The following KDM4B variants were observed in gnomAD, a reference collection of about 807,000 sequenced individuals.
KDM4B encodes lysine-specific demethylase 4B.
Under a neutral mutation model 125.2 loss-of-function variants are expected in KDM4B, and 32 were observed. The observed-to-expected ratio is 0.26, with a 90% CI of 0.19 to 0.34. The LOEUF is 0.34. KDM4B is among the 10% of genes least tolerant of loss of function. The pLI is 1.00. For synonymous variants in KDM4B, 721 were observed against 677.9 expected, an observed-to-expected ratio of 1.06 and a Z score of -0.99; for missense variants, 1,190 against 1,577.7, an observed-to-expected ratio of 0.75 and a Z score of 4.16.
intron 21 of KDM4B, among the ~76,000 whole-genome samples, chr19:5,146,059 C>T (rs113265314): frequency 0.054 from 8,071 of 149,484 alleles, 216 homozygotes; most frequent in African/African-American, 0.065. Flanking sequence ...AGGCCGGCCC[C>T]GCCCGGTCAC....
intron 9 of KDM4B, among the ~76,000 whole-genome samples, chr19:5,098,057 G>A (rs769241433): frequency 2.0e-5 from 3 of 152,238 alleles, no homozygotes; most frequent in Non-Finnish European, 4.4e-5. Context: ...TCCAAGTGCA[G>A]AGCAAGGCAG....
intron 6 of KDM4B, among the ~76,000 whole-genome samples, chr19:5,064,076 A>C (rs550265892): frequency 7.6e-4 from 115 of 152,310 alleles, no homozygotes; most frequent in African/African-American, 2.6e-3. Context: ...GCTGGGTCAC[A>C]GGCCGGGGCC....
chr19:5,012,075 T>C (rs563592623), intron 1 of KDM4B, among the ~76,000 whole-genome samples: 1 of 152,330 alleles, frequency 6.6e-6, no homozygotes, highest in African/African-American at 2.4e-5. Flanking sequence ...CACTGCAGGC[T>C]TCTGTCATGC....
chr19:5,057,748 C>T (rs1482255026), intron 6 of KDM4B, among the ~76,000 whole-genome samples: 4 of 152,148 alleles, frequency 2.6e-5, no homozygotes, highest in Non-Finnish European at 5.9e-5. Flanking sequence ...GGTGCCAGGA[C>T]GATGTGCAGC....
At chr19:5,121,373 A>T (rs566382074) in intron 11 of KDM4B, among the ~76,000 whole-genome samples, 1 of 152,332 alleles carries the variant, frequency 6.6e-6, no homozygotes, top group Middle Eastern at 3.4e-3. Context: ...CAGAAAAGGC[A>T]TCGTGGGTAG....
intron 9 of KDM4B, among the ~76,000 whole-genome samples, chr19:5,093,632 C>T (rs2038757418): frequency 6.6e-6 from 1 of 152,262 alleles, no homozygotes; most frequent in South Asian, 2.1e-4. Context: ...GCCTCTGCCC[C>T]TTCCTCGGTG....
intron 9 of KDM4B, among the ~76,000 whole-genome samples, chr19:5,089,057 C>A (rs2145904805): frequency 6.6e-6 from 1 of 152,250 alleles, no homozygotes; most frequent in South Asian, 2.1e-4. Flanking sequence ...TGGAGGGTGA[C>A]AACGGATGGG....
At chr19:5,098,289 A>G (rs916631327) in intron 9 of KDM4B, among the ~76,000 whole-genome samples, 1 of 152,094 alleles carries the variant, frequency 6.6e-6, no homozygotes, top group Non-Finnish European at 1.5e-5. Flanking sequence ...TTTATTTTTT[A>G]TTACAGTTTA....
intron 21 of KDM4B, among the ~76,000 whole-genome samples, chr19:5,148,884 C>T (rs2039897438): frequency 6.6e-6 from 1 of 152,188 alleles, no homozygotes. Context: ...TAGGACGGGG[C>T]AGAGGGTGGC....
intron 1 of KDM4B, among the ~76,000 whole-genome samples, chr19:4,978,912 G>A (rs1291246357): frequency 6.6e-6 from 1 of 152,220 alleles, no homozygotes; most frequent in Non-Finnish European, 1.5e-5. Context: ...TGCCTGGTCA[G>A]GGGCGCAGGG....
chr19:5,036,531 C>T (rs2036631333), intron 3 of KDM4B, among the ~76,000 whole-genome samples: 1 of 152,210 alleles, frequency 6.6e-6, no homozygotes, highest in Non-Finnish European at 1.5e-5. Context: ...CCCTCCACCC[C>T]CACCAGCTGC....
intron 15 of KDM4B, among the ~76,000 whole-genome samples, chr19:5,136,191 C>A (rs1377302830): frequency 6.6e-6 from 1 of 152,192 alleles, no homozygotes; most frequent in African/African-American, 2.4e-5. Context: ...GCCGCTACGC[C>A]TGTGATTTGT....
At position 5,054,462 on chromosome 19, in the gene KDM4B, ATGTGTG is replaced by A. The variant is rs3070257; in HGVS notation, c.626+6816_626+6821del. ...TGCTGAGTCCCCTGAGAGAGAGAGA[ATGTGTG>A]TGTGTGTGTGTGTGTGTGTGTGCGC... On this transcript the variant is annotated intron_variant, in intron 6 of 22. Coordinates refer to ENST00000159111, the MANE Select transcript of KDM4B (RefSeq NM_015015.3). Among the ~76,000 whole-genome samples the A allele has an allele frequency of 2.7e-3, 405 of 150,400 alleles. 2 individuals carry two copies. Among genetic ancestry groups the A allele is most frequent in the African/African-American group, 5.4e-3 (221 of 41,000 alleles).
Position 5,060,433 on chromosome 19 carries a change from CA to C in KDM4B, c.627-10547del, listed in dbSNP as rs901472663. Reference sequence around the variant, plus strand: ...GGGTGACGGAGGAAGACTCTGTCTCCAAAAAAAAAAAAAAAAAAAAAAAAAA... The same window carrying C: ...GGGTGACGGAGGAAGACTCTGTCTCCAAAAAAAAAAAAAAAAAAAAAAAAA... On this transcript the variant is annotated intron_variant, in intron 6 of 22. Transcript: ENST00000159111. Among the ~76,000 whole-genome samples the C allele has an allele frequency of 7.0e-3, 231 of 32,958 alleles. 1 individual carries two copies. The highest frequency in any genetic ancestry group is 0.012 in the African/African-American group (149 of 12,258). 21.6% of individuals were successfully genotyped at this position (32,958 alleles called of 152,430 possible). A position where few individuals can be genotyped will look rare whatever the true frequency, so the allele number is the denominator to read the frequency against.
intron 3 of KDM4B, 81 bp from the exon 4 acceptor site, chr19:5,039,755 G>C: frequency 6.8e-7 from 1 of 1,477,326 alleles, no homozygotes; most frequent in Admixed American, 1.8e-5. Flanking sequence ...GCTGGTCTCT[G>C]GGGAGCCGGT....
intron 6 of KDM4B, among the ~76,000 whole-genome samples, chr19:5,057,102 C>G (rs1276266984): frequency 2.0e-5 from 3 of 151,572 alleles, no homozygotes; most frequent in Admixed American, 6.6e-5. Context: ...GACTCTCCGG[C>G]TGTCCCCTGT....
In KDM4B at chr19:5,151,646, G is replaced by T; in HGVS notation, c.*135G>T. 1.3e-6 allele frequency: 1 copy of T among 782,900 alleles called. No homozygotes were observed. The highest frequency in any genetic ancestry group is 1.7e-6 in the Non-Finnish European group (1 of 575,080). 48.5% of individuals were successfully genotyped at this position (782,900 alleles called of 1,614,324 possible). A position where few individuals can be genotyped will look rare whatever the true frequency, so the allele number is the denominator to read the frequency against. On this transcript the variant is annotated 3_prime_UTR_variant, in exon 23 of 23. Coordinates refer to ENST00000159111, the MANE Select transcript of KDM4B (RefSeq NM_015015.3). Reference sequence around the variant, plus strand: ...ACCTCCAAGCCGCGGGTGCCCCCTAGGGCGACAGGAGCCAGCGGGACGCCG... The same window carrying T: ...ACCTCCAAGCCGCGGGTGCCCCCTATGGCGACAGGAGCCAGCGGGACGCCG...
rs112197863 is a variant in KDM4B, at chr19:5,065,891, C to T, written c.627-5119C>T. 1.5e-3 allele frequency among the ~76,000 whole-genome samples: 234 copies of T among 152,276 alleles called. 2 individuals carry two copies. Among genetic ancestry groups the T allele is most frequent in the African/African-American group, 5.4e-3 (226 of 41,556 alleles). On this transcript the variant is annotated intron_variant, in intron 6 of 22. Coordinates refer to ENST00000159111, the MANE Select transcript of KDM4B (RefSeq NM_015015.3). ...AAGGCTGTCGGGGCCTCGCAGCATC[C>T]CCCGGGCAGCTCTGCCGCCAGCCCA...
intron 6 of KDM4B, among the ~76,000 whole-genome samples, chr19:5,049,444 G>C (rs546439017): frequency 6.6e-6 from 1 of 152,170 alleles, no homozygotes; most frequent in African/African-American, 2.4e-5. Flanking sequence ...AGGGAATTCC[G>C]GAAGCGCCCT....
Sources: gnomAD v4.1 joint callset for allele counts (sites outside exome capture counted in the v4.1 genomes callset) on GRCh38, gnomAD v4.1.1 for gene constraint, MANE v1.5 for transcripts, NCBI Gene and HGNC (gene_info 2026-07-23, HGNC 2026-07-21) for gene names.